ZNF423: variants seen among roughly 807,000 people sequenced by gnomAD.
ZNF423 encodes Ebf-associated zinc finger protein.
A neutral mutation model predicts 95.8 loss-of-function variants in ZNF423; 12 were observed. The ratio of observed to expected loss-of-function variants is 0.13; its 90% CI spans 0.08 to 0.20. ZNF423 has a LOEUF of 0.20. ZNF423 is among the 10% of genes least tolerant of loss of function. The pLI, the probability that ZNF423 is intolerant of heterozygous loss-of-function variation, is 1.00. For missense variants in ZNF423, 1,316 were observed against 1,737.1 expected (o/e 0.76, Z 4.31); for synonymous variants, 749 against 711.9 (o/e 1.05, Z -0.83).
intron 5 of ZNF423, among the ~76,000 whole-genome samples, chr16:49,557,760 C>T (rs545216631): frequency 3.3e-5 from 5 of 152,178 alleles, no homozygotes; most frequent in Non-Finnish European, 7.4e-5. Flanking sequence ...AGAAGGCCTC[C>T]TCCCACCCAC....
chr16:49,576,369 G>A (rs1970502246), intron 5 of ZNF423, among the ~76,000 whole-genome samples: 1 of 152,208 alleles, frequency 6.6e-6, no homozygotes, highest in African/African-American at 2.4e-5. Flanking sequence ...AGGCAGGGGT[G>A]CAGGCAAGAG....
chr16:49,857,496 C>T (rs941065863), upstream of ZNF423, among the ~76,000 whole-genome samples: 9 of 152,142 alleles, frequency 5.9e-5, no homozygotes, highest in African/African-American at 2.2e-4. This position sits in a 1 kb window ranked among gnomAD's most constrained non-coding sequence, Gnocchi z 6.2. Flanking sequence ...GGGGAGCAAA[C>T]GGAGTTGGGC....
At chr16:49,691,990 C>A (rs1240815379) in intron 3 of ZNF423, among the ~76,000 whole-genome samples, 1 of 151,800 alleles carries the variant, frequency 6.6e-6, no homozygotes, top group Non-Finnish European at 1.5e-5. Context: ...CGCTCTGTGG[C>A]GCAGGCTGGA....
intron 2 of ZNF423, among the ~76,000 whole-genome samples, chr16:49,770,324 G>C (rs1206479691): frequency 6.6e-6 from 1 of 152,122 alleles, no homozygotes; most frequent in Admixed American, 6.6e-5. Context: ...CAGCAGCAAT[G>C]GAAAAAGTGG....
chr16:49,497,098 CTCCCCACCCTCAGGAACAGAA>C (rs1967191968), intron 7 of ZNF423, among the ~76,000 whole-genome samples: 1 of 152,210 alleles, frequency 6.6e-6, no homozygotes, highest in African/African-American at 2.4e-5. Context: ...CTGCTTTCTC[CTCCCCACCCTCAGGAACAGAA>C]TGCCATGTCT....
chr16:49,768,639 T>A (rs2033973596), intron 2 of ZNF423, among the ~76,000 whole-genome samples: 1 of 152,066 alleles, frequency 6.6e-6, no homozygotes, highest in Non-Finnish European at 1.5e-5. Context: ...CATCATCCCA[T>A]CCTTCAACGT....
chr16:49,807,914 G>A (rs2034690712), intron 1 of ZNF423, among the ~76,000 whole-genome samples: 1 of 152,166 alleles, frequency 6.6e-6, no homozygotes, highest in Admixed American at 6.5e-5. Context: ...CTGCCAGGAG[G>A]ACACACCTCT....
chr16:49,763,327 G>A (rs181209172), intron 2 of ZNF423, among the ~76,000 whole-genome samples: 24 of 150,240 alleles, frequency 1.6e-4, no homozygotes, highest in Non-Finnish European at 2.5e-4. Flanking sequence ...TGCCCAGGCT[G>A]GAGTGCAGTG....
At chr16:49,518,669 G>A (rs530368521) in intron 7 of ZNF423, 34 of 369,906 alleles carry the variant, frequency 9.2e-5, no homozygotes, top group Non-Finnish European at 1.4e-4. Context: ...TTTCTATGGC[G>A]ATATATTTTT....
At chr16:49,825,478 G>T (rs964055829) in intron 1 of ZNF423, among the ~76,000 whole-genome samples, 4 of 151,386 alleles carry the variant, frequency 2.6e-5, no homozygotes, top group African/African-American at 9.7e-5. Flanking sequence ...TGTCACTTTG[G>T]CCTCTCAGAT....
chr16:49,570,827 C>G (rs185213801), intron 5 of ZNF423, among the ~76,000 whole-genome samples: 20 of 152,312 alleles, frequency 1.3e-4, no homozygotes, highest in African/African-American at 4.8e-4. Flanking sequence ...GCCAGGGCAG[C>G]CTCCATCCCA....
chr16:49,613,328 T>C (rs2034401774), intron 5 of ZNF423, among the ~76,000 whole-genome samples: 1 of 152,218 alleles, frequency 6.6e-6, no homozygotes, highest in Admixed American at 6.5e-5. Context: ...GATAGGCACA[T>C]ACATCAGTGG....
At chr16:49,792,886 T>A (rs1249422706) in intron 1 of ZNF423, among the ~76,000 whole-genome samples, 1 of 152,014 alleles carries the variant, frequency 6.6e-6, no homozygotes, top group Admixed American at 6.6e-5. Context: ...CGAAGCCTCC[T>A]GCATAGCTAA....
intron 5 of ZNF423, among the ~76,000 whole-genome samples, chr16:49,580,969 G>C (rs551855402): frequency 1.3e-5 from 2 of 152,280 alleles, no homozygotes; most frequent in East Asian, 3.9e-4. Flanking sequence ...AAAGGGCCCT[G>C]AGAGTTCACG....
chr16:49,741,622 C>G (rs1420535089), intron 2 of ZNF423, among the ~76,000 whole-genome samples: 3 of 152,192 alleles, frequency 2.0e-5, no homozygotes, highest in Non-Finnish European at 4.4e-5. Flanking sequence ...AACAATATGC[C>G]TTGGAGGGCT....
chr16:49,578,183 A>G (rs1038479882), intron 5 of ZNF423, among the ~76,000 whole-genome samples: 1 of 152,150 alleles, frequency 6.6e-6, no homozygotes, highest in Non-Finnish European at 1.5e-5. Context: ...GGGAATCTGA[A>G]TCCTTGTCTG....
At chr16:49,561,423 A>G (rs868333716) in intron 5 of ZNF423, among the ~76,000 whole-genome samples, 8 of 152,246 alleles carry the variant, frequency 5.3e-5, no homozygotes, top group Non-Finnish European at 8.8e-5. Context: ...TATATGCACC[A>G]GATACACAGA....
At chr16:49,854,906 T>A in intron 1 of ZNF423, 1 of 984,964 alleles carries the variant, frequency 1.0e-6, no homozygotes. Context: ...CCGGCCTGGG[T>A]GTCGAGGGTG....
chr16:49,683,348 T>C (rs984353628), intron 3 of ZNF423, among the ~76,000 whole-genome samples: 2 of 152,176 alleles, frequency 1.3e-5, no homozygotes, highest in African/African-American at 4.8e-5. Flanking sequence ...TAAATACAAA[T>C]ATATTCTCAT....
Sources: gnomAD v4.1 joint callset for allele counts (sites outside exome capture counted in the v4.1 genomes callset) on GRCh38, gnomAD v4.1.1 for gene constraint, Gnocchi (gnomAD v3.1) non-coding constraint, MANE v1.5 for transcripts, NCBI Gene and HGNC (gene_info 2026-07-23, HGNC 2026-07-21) for gene names.